SLC25A13: variants seen among roughly 807,000 people sequenced by gnomAD.
SLC25A13 encodes electrogenic aspartate/glutamate antiporter SLC25A13, mitochondrial.
Under a neutral mutation model 85.5 loss-of-function variants are expected in SLC25A13, and 70 were observed. That is an observed-to-expected ratio of 0.82 (90% CI 0.68 to 1.00). The LOEUF (loss-of-function observed/expected upper bound fraction) is 1.00. SLC25A13 is among the 50% of genes least tolerant of loss of function. The pLI is 0.00. For synonymous variants in SLC25A13, 259 were observed against 288.7 expected, an observed-to-expected ratio of 0.90 and a Z score of 1.04; for missense variants, 765 against 819.8, an observed-to-expected ratio of 0.93 and a Z score of 0.82.
At chr7:96,157,541 C>CA (rs953722415) in intron 13 of SLC25A13, among the ~76,000 whole-genome samples, 1 of 152,196 alleles carries the variant, frequency 6.6e-6, no homozygotes, top group African/African-American at 2.4e-5. Context: ...CCGTGGCTCA[C>CA]ACCTGTAATC....
chr7:96,127,299 C>T (rs1041808940), intron 15 of SLC25A13, among the ~76,000 whole-genome samples: 4 of 152,206 alleles, frequency 2.6e-5, no homozygotes, highest in African/African-American at 9.6e-5. Context: ...CCGCTTCGGT[C>T]TTCACTTTCT....
intron 3 of SLC25A13, among the ~76,000 whole-genome samples, chr7:96,236,041 G>C (rs1796729176): frequency 6.6e-6 from 1 of 152,154 alleles, no homozygotes; most frequent in African/African-American, 2.4e-5. Context: ...ATATTTTACA[G>C]AAAACTTAGT....
intron 3 of SLC25A13, among the ~76,000 whole-genome samples, chr7:96,255,900 A>G (rs1797615433): frequency 6.6e-6 from 1 of 152,184 alleles, no homozygotes; most frequent in Non-Finnish European, 1.5e-5. Context: ...TAAAAGCCAG[A>G]AGAGAGTAGG....
chr7:96,189,056 G>T (rs182900295), intron 9 of SLC25A13, among the ~76,000 whole-genome samples: 5 of 152,344 alleles, frequency 3.3e-5, no homozygotes, highest in Admixed American at 1.3e-4. Context: ...TAGGCTTCTG[G>T]TGCAGTTAGG....
intron 3 of SLC25A13, among the ~76,000 whole-genome samples, chr7:96,257,531 T>C (rs1391652002): frequency 6.6e-6 from 1 of 152,194 alleles, no homozygotes; most frequent in Non-Finnish European, 1.5e-5. Context: ...GTTGAATCCC[T>C]GAATAGATCA....
At position 96,315,537 on chromosome 7, in the gene SLC25A13, T is replaced by A. The variant is rs76308262; in HGVS notation, c.15+6405A>T. On this transcript the variant is annotated intron_variant, in intron 1 of 17. Transcript: ENST00000265631. Reference sequence around the variant, plus strand: ...TGGGACTCCATTTCTAGGACTCTCCTGGTAAAAGGGGACAGGACTGAGGAA... The same window carrying A: ...TGGGACTCCATTTCTAGGACTCTCCAGGTAAAAGGGGACAGGACTGAGGAA... Among the ~76,000 whole-genome samples, 700 of 152,294 alleles carry A rather than the reference T, an allele frequency of 4.6e-3. 5 individuals are homozygous for A. The highest frequency in any genetic ancestry group is 7.3e-3 in the Admixed American group (112 of 15,304).
At chr7:96,269,733 G>A (rs980136374) in intron 3 of SLC25A13, among the ~76,000 whole-genome samples, 2 of 152,134 alleles carry the variant, frequency 1.3e-5, no homozygotes, top group Non-Finnish European at 2.9e-5. Flanking sequence ...ACAGATGAAC[G>A]GATGAAGAAA....
At chr7:96,195,395 C>A (rs543510881) in intron 5 of SLC25A13, among the ~76,000 whole-genome samples, 43 of 152,302 alleles carry the variant, frequency 2.8e-4, no homozygotes, top group African/African-American at 9.9e-4. Flanking sequence ...TGCACCTTTT[C>A]CTTTTTGTTC....
chr7:96,270,555 CA>C (rs1247575334), intron 3 of SLC25A13, among the ~76,000 whole-genome samples: 270 of 122,136 alleles, frequency 2.2e-3, no homozygotes, highest in Admixed American at 2.7e-3. Flanking sequence ...ACTCCATCTC[CA>C]AAAAAAAAAA....
chr7:96,173,138 G>GA (rs1554345844), intron 11 of SLC25A13, among the ~76,000 whole-genome samples: 1 of 152,184 alleles, frequency 6.6e-6, no homozygotes, highest in Non-Finnish European at 1.5e-5. Flanking sequence ...TATAAAGGGG[G>GA]AAAACTAAAA....
intron 3 of SLC25A13, among the ~76,000 whole-genome samples, chr7:96,249,946 G>A (rs1562876928): frequency 1.3e-5 from 2 of 150,992 alleles, no homozygotes; most frequent in African/African-American, 4.9e-5. Context: ...CACCTTGGGA[G>A]GCTAAGGCGG....
At chr7:96,159,054 T>C (rs894413879) in intron 13 of SLC25A13, among the ~76,000 whole-genome samples, 2 of 152,292 alleles carry the variant, frequency 1.3e-5, no homozygotes, top group Non-Finnish European at 1.5e-5. Context: ...TGTTCAAAAC[T>C]GTTCACAAGT....
intron 4 of SLC25A13, among the ~76,000 whole-genome samples, chr7:96,229,724 C>T (rs946238546): frequency 6.6e-6 from 1 of 152,170 alleles, no homozygotes; most frequent in Admixed American, 6.5e-5. Flanking sequence ...AGCTGTAACA[C>T]TCACAGCGAA....
intron 2 of SLC25A13, among the ~76,000 whole-genome samples, chr7:96,289,312 A>C (rs935714940): frequency 1.3e-5 from 2 of 152,202 alleles, no homozygotes; most frequent in African/African-American, 4.8e-5. Flanking sequence ...GGGGGAAAAA[A>C]CAGAGCAGAA....
chr7:96,198,765 TTGA>T lies in SLC25A13; in HGVS notation c.469-5585_469-5583del, dbSNP rs202151935. On this transcript the variant is annotated intron_variant, in intron 5 of 17. Transcript: ENST00000265631. ...TAGGAAAAGAGACTTTAAGAAAATT[TTGA>T]TGATGATTTGAATATATAAATGAAG... is the stretch of plus-strand genomic sequence containing the variant. 9.7e-3 allele frequency among the ~76,000 whole-genome samples: 1,471 copies of T among 152,284 alleles called. 18 individuals carry two copies. Among genetic ancestry groups the T allele is most frequent in the African/African-American group, 0.033 (1,372 of 41,556 alleles).
intron 13 of SLC25A13, among the ~76,000 whole-genome samples, chr7:96,153,893 A>G (rs1277464213): frequency 6.6e-6 from 1 of 152,238 alleles, no homozygotes; most frequent in East Asian, 1.9e-4. Context: ...ACTTAACATG[A>G]AATATATAGG....
At chr7:96,310,426 T>C (rs767546332) in intron 1 of SLC25A13, among the ~76,000 whole-genome samples, 18 of 152,254 alleles carry the variant, frequency 1.2e-4, no homozygotes, top group African/African-American at 3.6e-4. Context: ...TTTAGGTTCA[T>C]GTTGTATACT....
chr7:96,274,021 T>C (rs1798347560), intron 3 of SLC25A13, among the ~76,000 whole-genome samples: 1 of 152,100 alleles, frequency 6.6e-6, no homozygotes, highest in Non-Finnish European at 1.5e-5. Flanking sequence ...AGAATCCCCC[T>C]TGGGGTTAGG....
chr7:96,197,567 T>C (rs1795108966), intron 5 of SLC25A13, among the ~76,000 whole-genome samples: 1 of 152,194 alleles, frequency 6.6e-6, no homozygotes, highest in Non-Finnish European at 1.5e-5. Context: ...TCACTACTCA[T>C]GGCAGAATGA....
Sources: gnomAD v4.1 joint callset for allele counts (sites outside exome capture counted in the v4.1 genomes callset) on GRCh38, gnomAD v4.1.1 for gene constraint, MANE v1.5 for transcripts, NCBI Gene and HGNC (gene_info 2026-07-23, HGNC 2026-07-21) for gene names.